Variants in GAB1 observed in about 807,000 individuals in gnomAD.
GAB1 encodes the protein GRB2-associated-binding protein 1.
GAB1 carries 19 observed loss-of-function variants against 66.5 expected under a neutral mutation model. That is an observed-to-expected ratio of 0.29 (90% CI 0.20 to 0.42). The LOEUF (loss-of-function observed/expected upper bound fraction) is 0.42, where lower values mean the gene tolerates loss of function less well. Ranked by LOEUF, GAB1 falls within the 10% of genes least tolerant of loss-of-function variation. The probability of loss-of-function intolerance (pLI) is 1.00; values close to 1 mark genes in which losing one functional copy is unlikely to be tolerated. For missense variants in GAB1, 732 were observed against 858.5 expected (o/e 0.85, Z 1.84); for synonymous variants, 294 against 301.4 (o/e 0.98, Z 0.25).
chr4:143,372,950 G>C (rs1240890482), intron 1 of GAB1, among the ~76,000 whole-genome samples: 2 of 152,058 alleles, frequency 1.3e-5, no homozygotes, highest in Non-Finnish European at 2.9e-5. Context: ...TTCCAGATGT[G>C]GTTTCAACTT....
At chr4:143,339,476 A>T (rs982572670) in intron 1 of GAB1, among the ~76,000 whole-genome samples, 9 of 152,248 alleles carry the variant, frequency 5.9e-5, no homozygotes, top group African/African-American at 2.2e-4. Flanking sequence ...GTGCCATTGC[A>T]CTGCAGCCTG....
intron 9 of GAB1, among the ~76,000 whole-genome samples, chr4:143,467,921 G>T (rs371381883): frequency 7.9e-5 from 12 of 152,212 alleles, no homozygotes; most frequent in African/African-American, 2.7e-4. Flanking sequence ...TCACTTTCTA[G>T]TGAGCGCAGC....
intron 1 of GAB1, among the ~76,000 whole-genome samples, chr4:143,356,552 A>G (rs1729454577): frequency 6.6e-6 from 1 of 152,164 alleles, no homozygotes; most frequent in African/African-American, 2.4e-5. Context: ...TACAGTATGC[A>G]TTTGAGCAAA....
intron 8 of GAB1, among the ~76,000 whole-genome samples, chr4:143,462,662 CTTTTTT>C (rs936142853): frequency 6.9e-6 from 1 of 145,204 alleles, no homozygotes; most frequent in Non-Finnish European, 1.5e-5. Context: ...TGGTGAATTT[CTTTTTT>C]TTTTTATTTG....
At chr4:143,445,464 G>C (rs1734458620) in intron 6 of GAB1, among the ~76,000 whole-genome samples, 1 of 152,008 alleles carries the variant, frequency 6.6e-6, no homozygotes, top group African/African-American at 2.4e-5. Context: ...GTTGATTTGA[G>C]TTTCTTGTGG....
chr4:143,374,748 CT>C (rs1439950995), intron 1 of GAB1, among the ~76,000 whole-genome samples: 1 of 152,168 alleles, frequency 6.6e-6, no homozygotes, highest in African/African-American at 2.4e-5. Flanking sequence ...GGAAGAATTA[CT>C]TTCACGAGTG....
In GAB1 at chr4:143,433,735, T is replaced by C; in HGVS notation, c.593+19T>C. 1.9e-6 allele frequency: 3 copies of C among 1,569,040 alleles called. No individual in the cohort carries two copies. Among genetic ancestry groups the C allele is most frequent in the Non-Finnish European group, 2.6e-6 (3 of 1,139,172 alleles). ...CCACCAGGTAAATTATATATGCCCA[T>C]GTGAGAGAGAGACAGAGGCGTGTGT... On this transcript the variant is annotated intron_variant, in intron 3 of 9. Coordinates refer to ENST00000262994, the MANE Select transcript of GAB1 (RefSeq NM_002039.4).
chr4:143,457,725 G>A (rs779785762), intron 6 of GAB1: 18 of 1,577,356 alleles, frequency 1.1e-5, no homozygotes, highest in South Asian at 4.8e-5. Flanking sequence ...GGTTTAGAGC[G>A]AACTGATTCA....
At chr4:143,384,776 A>G (rs1345814789) in intron 1 of GAB1, among the ~76,000 whole-genome samples, 1 of 152,232 alleles carries the variant, frequency 6.6e-6, no homozygotes, top group Non-Finnish European at 1.5e-5. Context: ...AGGTGATGGC[A>G]GTAGCTGGGG....
At chr4:143,401,444 CT>C (rs1304882495) in intron 1 of GAB1, among the ~76,000 whole-genome samples, 3 of 152,168 alleles carry the variant, frequency 2.0e-5, no homozygotes, top group African/African-American at 7.2e-5. Context: ...TGGGCAAGGC[CT>C]AACAGAACAT....
At chr4:143,395,733 T>C in intron 1 of GAB1, 1 of 335,860 alleles carries the variant, frequency 3.0e-6, no homozygotes, top group Non-Finnish European at 5.9e-6. Flanking sequence ...TTCTTTTAAA[T>C]GAGGTGAATT....
chr4:143,354,167 G>A (rs1024123560), intron 1 of GAB1, among the ~76,000 whole-genome samples: 2 of 152,056 alleles, frequency 1.3e-5, no homozygotes, highest in Admixed American at 1.3e-4. Context: ...ACTGGGCTCA[G>A]GACTTGCTCT....
At chr4:143,409,460 C>T (rs1360062108) in intron 1 of GAB1, among the ~76,000 whole-genome samples, 1 of 146,760 alleles carries the variant, frequency 6.8e-6, no homozygotes. Flanking sequence ...TGGACAACAT[C>T]TCACCAAGGC....
chr4:143,438,542 G>C lies in GAB1; in HGVS notation c.1137G>C (p.Gly379=). Residue 379 remains glycine, a synonymous_variant, in exon 4 of 10, where the codon GGG becomes GGC. Transcript: ENST00000262994. ...GTAGTTACTGTATCCCTACAGCAGG[G>C]ATGTCGCCTTCACGTAGTAATACCA... ...TDSSYCIPTA[G]MSPSRSNTIS... 6.2e-7 allele frequency: 1 copy of C among 1,614,026 alleles called. No individual in the cohort carries two copies. The highest frequency in any genetic ancestry group is 8.5e-7 in the Non-Finnish European group (1 of 1,179,972).
rs1010318794 is a variant in GAB1 at position 143,337,124 on chromosome 4, G to A, written c.-65G>A. On this transcript the variant is annotated 5_prime_UTR_variant, in exon 1 of 10. Coordinates refer to ENST00000262994, the MANE Select transcript of GAB1 (RefSeq NM_002039.4). ...CGCCACTGCGCGCTCGGCAGGCGTC[G>A]GCTGTGTCGGGAGCGCGCCCGCCGC... The A allele has an allele frequency of 5.6e-6, 8 of 1,428,972 alleles. No homozygotes were observed. In the Admixed American group the frequency reaches 6.2e-5, roughly 11 times the overall value. The allele number at this position is 1,428,972 out of a possible 1,614,324, so 88.5% of individuals were successfully genotyped here.
At position 143,337,029 on chromosome 4, in the gene GAB1, T is replaced by A; in HGVS notation, c.-160T>A. 1 of 632,712 alleles carries A rather than the reference T, an allele frequency of 1.6e-6. No individual in the cohort carries two copies. Among genetic ancestry groups the A allele is most frequent in the Non-Finnish European group, 2.8e-6 (1 of 363,214 alleles). The allele number at this position is 632,712 out of a possible 1,614,324, so 39.2% of individuals were successfully genotyped here. A position where few individuals can be genotyped will look rare whatever the true frequency, so the allele number is the denominator to read the frequency against. On this transcript the variant is annotated 5_prime_UTR_variant, in exon 1 of 10. Transcript: ENST00000262994. The stretch of plus-strand genomic sequence containing the variant: ...CCTGCAGAGGAGAGACTCGAACTCG[T>A]GGAACCCGCGCACCGTGGAGTCTGT...
At chr4:143,408,048 T>C (rs1222664912) in intron 1 of GAB1, among the ~76,000 whole-genome samples, 1 of 152,162 alleles carries the variant, frequency 6.6e-6, no homozygotes, top group Non-Finnish European at 1.5e-5. Flanking sequence ...CCAACTTTTC[T>C]TGTTTGTTTG....
chr4:143,406,289 G>A (rs1471030371), intron 1 of GAB1, among the ~76,000 whole-genome samples: 4 of 152,052 alleles, frequency 2.6e-5, no homozygotes, highest in East Asian at 3.9e-4. Context: ...GGTGAGAGTC[G>A]TAGAAATGGA....
At chr4:143,467,732 G>T (rs752337736) in intron 9 of GAB1, among the ~76,000 whole-genome samples, 75 of 152,094 alleles carry the variant, frequency 4.9e-4, no homozygotes, top group Non-Finnish European at 8.7e-4. Context: ...ACCATCCTAG[G>T]ACCACATCAG....
Sources: allele counts gnomAD v4.1 joint callset (sites outside exome capture counted in the v4.1 genomes callset), GRCh38; gene constraint gnomAD v4.1.1; transcripts MANE v1.5; gene names NCBI Gene and HGNC (gene_info 2026-07-23, HGNC 2026-07-21).